SETD3: variants seen among roughly 807,000 people sequenced by gnomAD.
SETD3 encodes actin-histidine N-methyltransferase.
Under a neutral mutation model 63.0 loss-of-function variants are expected in SETD3, and 19 were observed. The ratio of observed to expected loss-of-function variants is 0.30; its 90% CI spans 0.21 to 0.44. The LOEUF (loss-of-function observed/expected upper bound fraction) is 0.44. Ranked by LOEUF, SETD3 falls within the 20% of genes least tolerant of loss-of-function variation. The probability of loss-of-function intolerance (pLI) is 1.00; values close to 1 mark genes in which losing one functional copy is unlikely to be tolerated. For missense variants in SETD3, 587 were observed against 728.5 expected (o/e 0.81, Z 2.24); for synonymous variants, 286 against 264.1 (o/e 1.08, Z -0.80).
intron 6 of SETD3, among the ~76,000 whole-genome samples, chr14:99,432,309 T>C (rs188093142): frequency 2.6e-5 from 4 of 152,210 alleles, no homozygotes; most frequent in Non-Finnish European, 5.9e-5. Flanking sequence ...TTGAATATTT[T>C]GTGCAGGAAA....
chr14:99,433,828 C>T (rs147298762), intron 6 of SETD3, among the ~76,000 whole-genome samples: 1 of 151,834 alleles, frequency 6.6e-6, no homozygotes, highest in East Asian at 1.9e-4. Context: ...ACATGCTCAA[C>T]ACCATTAGCC....
chr14:99,466,833 A>T (rs961130001), intron 1 of SETD3, among the ~76,000 whole-genome samples: 20 of 152,222 alleles, frequency 1.3e-4, no homozygotes, highest in African/African-American at 4.8e-4. Context: ...AAAAGTGTCC[A>T]GCCAAGAAGC....
At position 99,399,192 on chromosome 14, in the gene SETD3, C is replaced by T. The variant is rs1891244749; in HGVS notation, c.1339-67G>A. On this transcript the variant is annotated intron_variant, in intron 12 of 12. Coordinates refer to ENST00000331768, the MANE Select transcript of SETD3 (RefSeq NM_032233.3). ...AGCAAAACTATAGAGACAGAGGGCA[C>T]AACGGCTGGGGATGGGGACATGAGG... The T allele has an allele frequency of 3.5e-6, 5 of 1,448,382 alleles. No individual in the cohort carries two copies. In the Admixed American group the frequency reaches 7.3e-5, roughly 21 times the overall value. The allele number at this position is 1,448,382 out of a possible 1,614,324, so 89.7% of individuals were successfully genotyped here.
chr14:99,406,412 A>G, intron 9 of SETD3, 104 bp downstream of exon 9: 1 of 1,027,924 alleles, frequency 9.7e-7, no homozygotes, highest in Non-Finnish European at 1.5e-6. Context: ...TGTGAATTCC[A>G]CATTTTTTCC....
At chr14:99,400,797 AAAT>A (rs1396495693) in intron 11 of SETD3, among the ~76,000 whole-genome samples, 1 of 152,188 alleles carries the variant, frequency 6.6e-6, no homozygotes, top group Non-Finnish European at 1.5e-5. Context: ...AAACTGAAAG[AAAT>A]AAGAGCCTAA....
rs921821026 is a variant in SETD3 at position 99,413,766 on chromosome 14, T to C, written c.734+110A>G. On this transcript the variant is annotated intron_variant, in intron 7 of 12. Transcript: ENST00000331768. ...AAAGATGAGCTCTGTTTGGATGCTT[T>C]AACGGTCACAGCAGGTCACTTCTCA... is the stretch of plus-strand genomic sequence containing the variant. 9 of 984,788 alleles carry C rather than the reference T, an allele frequency of 9.1e-6. No individual in the cohort carries two copies. The African/African-American group carries it at 1.3e-4, about 14-fold the overall frequency. 61.0% of individuals were successfully genotyped at this position (984,788 alleles called of 1,614,324 possible).
chr14:99,466,963 T>G (rs1040975584), intron 1 of SETD3, among the ~76,000 whole-genome samples: 14 of 152,204 alleles, frequency 9.2e-5, no homozygotes, highest in Non-Finnish European at 1.6e-4. Flanking sequence ...GTCCATTTGT[T>G]TTTTACAAAA....
intron 8 of SETD3, 35 bp from the exon 9 acceptor site, chr14:99,406,625 G>A: frequency 6.4e-7 from 1 of 1,568,486 alleles, no homozygotes; most frequent in Non-Finnish European, 8.8e-7. Flanking sequence ...TGATGGTGAG[G>A]CAAACACACG....
At chr14:99,431,798 G>A (rs994517719) in intron 6 of SETD3, among the ~76,000 whole-genome samples, 3 of 152,200 alleles carry the variant, frequency 2.0e-5, no homozygotes, top group Non-Finnish European at 1.5e-5. Flanking sequence ...AGACCCTAGC[G>A]TCTAAACCTA....
rs867978564 is a variant in SETD3 at position 99,401,973 on chromosome 14, G to C, written c.1178-1714C>G. Among the ~76,000 whole-genome samples the C allele has an allele frequency of 5.3e-5, 8 of 152,274 alleles. 1 individual carries two copies. The highest frequency in any genetic ancestry group is 1.7e-4 in the African/African-American group (7 of 41,528). ...AATGTAGCATGTGGCCTGCCTGCAGGCCAGGAGCTCCTGCAGCAGGTGCCC... is the reference window on the plus strand; with the variant it reads ...AATGTAGCATGTGGCCTGCCTGCAGCCCAGGAGCTCCTGCAGCAGGTGCCC... On this transcript the variant is annotated intron_variant, in intron 11 of 12. Transcript: ENST00000331768.
chr14:99,461,406 C>T lies in SETD3; in HGVS notation c.197-66G>A, dbSNP rs1336948427. ...GGACACATATCATTCACACGTCTCT[C>T]AGAAAATAAAAACAGGCCATAACTA... On this transcript the variant is annotated intron_variant, in intron 3 of 12. Transcript: ENST00000331768. The T allele has an allele frequency of 6.6e-6, 10 of 1,521,434 alleles. No homozygotes were observed. The Admixed American group carries it at 1.4e-4, about 21-fold the overall frequency. The allele number at this position is 1,521,434 out of a possible 1,614,324, so 94.2% of individuals were successfully genotyped here.
At position 99,406,654 on chromosome 14, in the gene SETD3, C is replaced by T. The variant is rs7160722; in HGVS notation, c.850-64G>A. 4.4e-3 allele frequency: 6,636 copies of T among 1,499,546 alleles called. 241 individuals are homozygous for T. In the African/African-American group the frequency reaches 0.081, roughly 18 times the overall value. The allele number at this position is 1,499,546 out of a possible 1,614,324, so 92.9% of individuals were successfully genotyped here. ...ACACACGCACATCTCACTTAATCTA[C>T]AAGCTTGTTTCTGGCAATCAGAGGA... On this transcript the variant is annotated intron_variant, in intron 8 of 12. Transcript: ENST00000331768.
At chr14:99,424,935 T>C (rs570327916) in intron 6 of SETD3, among the ~76,000 whole-genome samples, 5 of 152,138 alleles carry the variant, frequency 3.3e-5, no homozygotes, top group African/African-American at 1.2e-4. Context: ...CTAACTGTTA[T>C]GGCACCTGGA....
chr14:99,410,209 C>CGAA (rs1185117965), intron 8 of SETD3: 1 of 1,613,582 alleles, frequency 6.2e-7, no homozygotes, highest in East Asian at 2.2e-5. Flanking sequence ...AAGGAATCTT[C>CGAA]TGGTGTCTGA....
At chr14:99,466,290 T>C (rs1454703458) in intron 1 of SETD3, among the ~76,000 whole-genome samples, 2 of 152,234 alleles carry the variant, frequency 1.3e-5, no homozygotes, top group African/African-American at 2.4e-5. Context: ...GAAGACGTTT[T>C]AGAGCTGGAA....
chr14:99,407,373 T>TA (rs1175080379), intron 8 of SETD3, among the ~76,000 whole-genome samples: 1 of 152,192 alleles, frequency 6.6e-6, no homozygotes, highest in Non-Finnish European at 1.5e-5. Flanking sequence ...ATCTTGTAAA[T>TA]ACTGTTTGGA....
chr14:99,419,233 C>T (rs1174345971), intron 6 of SETD3, among the ~76,000 whole-genome samples: 2 of 152,100 alleles, frequency 1.3e-5, no homozygotes, highest in Non-Finnish European at 2.9e-5. Flanking sequence ...TACATCAATA[C>T]ACACTGAATT....
intron 6 of SETD3, among the ~76,000 whole-genome samples, chr14:99,448,380 G>A (rs1477664296): frequency 1.3e-5 from 2 of 152,328 alleles, no homozygotes; most frequent in Admixed American, 6.5e-5. Context: ...TTCTCACGCA[G>A]TGTCTTCCAT....
chr14:99,475,366 A>G (rs1401724181), intron 1 of SETD3, among the ~76,000 whole-genome samples: 2 of 152,262 alleles, frequency 1.3e-5, no homozygotes. Flanking sequence ...CAGGACAGAG[A>G]GAGCGTGTTA....
Sources: gnomAD v4.1 joint callset for allele counts (sites outside exome capture counted in the v4.1 genomes callset) on GRCh38, gnomAD v4.1.1 for gene constraint, MANE v1.5 for transcripts, NCBI Gene and HGNC (gene_info 2026-07-23, HGNC 2026-07-21) for gene names.